ZFAT: variants seen among roughly 807,000 people sequenced by gnomAD.
The protein encoded by ZFAT is zinc finger protein ZFAT.
Under a neutral mutation model 117.7 loss-of-function variants are expected in ZFAT, and 64 were observed. The observed-to-expected ratio is 0.54, with a 90% CI of 0.44 to 0.67. The LOEUF is 0.67. ZFAT is among the 30% of genes least tolerant of loss of function. ZFAT has a pLI of 0.00. For missense variants in ZFAT, 1,433 were observed against 1,584.5 expected (o/e 0.90, Z 1.62); for synonymous variants, 679 against 615.0 (o/e 1.10, Z -1.54).
intron 7 of ZFAT, chr8:134,599,294 C>A: frequency 6.3e-6 from 1 of 158,224 alleles, no homozygotes; most frequent in Non-Finnish European, 1.4e-5. Context: ...GAGTACTGTA[C>A]ATATGTGTGT....
At chr8:134,534,200 GA>G (rs1821645289) in intron 11 of ZFAT, among the ~76,000 whole-genome samples, 1 of 152,228 alleles carries the variant, frequency 6.6e-6, no homozygotes, top group Non-Finnish European at 1.5e-5. Flanking sequence ...GTTGTTGTGA[GA>G]ATTAAATGGT....
At chr8:134,592,493 G>T (rs1014362279) in intron 7 of ZFAT, among the ~76,000 whole-genome samples, 1 of 152,122 alleles carries the variant, frequency 6.6e-6, no homozygotes, top group Non-Finnish European at 1.5e-5. Flanking sequence ...GGAACTTTGC[G>T]CAAATGATTT....
the ZFAT span, among the ~76,000 whole-genome samples, chr8:134,825,926 C>T: frequency 2.0e-5 from 3 of 151,208 alleles, no homozygotes; most frequent in African/African-American, 7.3e-5. Context: ...GAGGCTGAGG[C>T]AGGAGAATGG....
intron 15 of ZFAT, among the ~76,000 whole-genome samples, chr8:134,497,057 C>T (rs779980412): frequency 5.3e-5 from 8 of 152,236 alleles, no homozygotes; most frequent in South Asian, 2.1e-4. Context: ...CCGGATCTTG[C>T]GCCTCCCACA....
chr8:134,571,730 T>C (rs1267394976), intron 10 of ZFAT, among the ~76,000 whole-genome samples: 1 of 152,256 alleles, frequency 6.6e-6, no homozygotes, highest in South Asian at 2.1e-4. Flanking sequence ...CTCATTTAAC[T>C]GTCACAATAC....
the ZFAT span, among the ~76,000 whole-genome samples, chr8:134,760,296 AAAAC>A: frequency 1.4e-5 from 2 of 147,650 alleles, no homozygotes; most frequent in East Asian, 2.0e-4. Flanking sequence ...AAACAAACAA[AAAAC>A]AAACAAACAA....
the ZFAT span, among the ~76,000 whole-genome samples, chr8:134,818,983 T>A: frequency 6.6e-6 from 1 of 152,188 alleles, no homozygotes; most frequent in Non-Finnish European, 1.5e-5. Context: ...GTCTTGACTG[T>A]GGTGATGGTC....
intron 2 of ZFAT, among the ~76,000 whole-genome samples, chr8:134,642,083 T>G (rs999123867): frequency 4.6e-5 from 7 of 152,382 alleles, no homozygotes; most frequent in African/African-American, 1.7e-4. Flanking sequence ...AAGAGATGGA[T>G]GCAGCAAACA....
At chr8:134,530,777 TA>T (rs146432981) in intron 12 of ZFAT, among the ~76,000 whole-genome samples, 31,629 of 137,568 alleles carry the variant, frequency 0.23, 3,464 homozygotes, top group Non-Finnish European at 0.26. Flanking sequence ...AATATAAAAA[TA>T]AAAAAATAAT....
chr8:134,652,970 G>A (rs182179772), intron 2 of ZFAT, among the ~76,000 whole-genome samples: 35 of 152,032 alleles, frequency 2.3e-4, no homozygotes, highest in Admixed American at 2.1e-3. Context: ...AACATTTATT[G>A]TAACATTATT....
At chr8:134,667,521 A>G (rs2131247588) in intron 1 of ZFAT, among the ~76,000 whole-genome samples, 1 of 145,998 alleles carries the variant, frequency 6.8e-6, no homozygotes, top group South Asian at 2.3e-4. Context: ...AACATAGATG[A>G]CAGGTTGATA....
intron 3 of ZFAT, among the ~76,000 whole-genome samples, chr8:134,629,645 C>T (rs533844509): frequency 2.6e-5 from 4 of 152,280 alleles, no homozygotes; most frequent in African/African-American, 9.6e-5. Flanking sequence ...TGAGGCACTT[C>T]CCCCTTCATT....
chr8:134,607,650 T>C (rs1827994123), intron 5 of ZFAT, among the ~76,000 whole-genome samples: 1 of 152,244 alleles, frequency 6.6e-6, no homozygotes, highest in South Asian at 2.1e-4. Flanking sequence ...CCTAGGTCTA[T>C]TTCATTCTGA....
chr8:134,825,079 T>C, the ZFAT span, among the ~76,000 whole-genome samples: 1 of 152,224 alleles, frequency 6.6e-6, no homozygotes, highest in Non-Finnish European at 1.5e-5. Context: ...CTAAATGTGA[T>C]TACTAAAAAT....
intron 1 of ZFAT, among the ~76,000 whole-genome samples, chr8:134,695,505 C>T (rs560744473): frequency 6.6e-6 from 1 of 150,982 alleles, no homozygotes; most frequent in South Asian, 2.1e-4. Flanking sequence ...CTAACAAAGG[C>T]GGCACCGCCC....
intron 3 of ZFAT, among the ~76,000 whole-genome samples, chr8:134,627,681 T>C (rs1453748043): frequency 6.6e-6 from 1 of 152,136 alleles, no homozygotes; most frequent in African/African-American, 2.4e-5. Flanking sequence ...CCATTAGATA[T>C]TGTACAGTTC....
intron 10 of ZFAT, among the ~76,000 whole-genome samples, chr8:134,579,105 C>T (rs887515428): frequency 1.3e-5 from 2 of 152,096 alleles, no homozygotes; most frequent in Admixed American, 1.3e-4. Flanking sequence ...GGTCTAGGGA[C>T]GAAGATTGGG....
chr8:134,807,340 T>A, the ZFAT span, among the ~76,000 whole-genome samples: 1 of 152,208 alleles, frequency 6.6e-6, no homozygotes, highest in Non-Finnish European at 1.5e-5. Context: ...AAGAGTATTG[T>A]TGTAAGAGAG....
chr8:134,826,382 T>C, the ZFAT span, among the ~76,000 whole-genome samples: 25 of 152,366 alleles, frequency 1.6e-4, 1 homozygote, highest in South Asian at 4.8e-3. Context: ...GAAGCTTGTT[T>C]ATAAATCAAA....
Sources: gnomAD v4.1 joint callset for allele counts (sites outside exome capture counted in the v4.1 genomes callset) on GRCh38, gnomAD v4.1.1 for gene constraint, MANE v1.5 for transcripts, NCBI Gene and HGNC (gene_info 2026-07-23, HGNC 2026-07-21) for gene names.